Variants in CDH18 observed in about 807,000 individuals in gnomAD.
The protein encoded by CDH18 is cadherin-18.
A neutral mutation model predicts 67.9 loss-of-function variants in CDH18; 31 were observed. That is an observed-to-expected ratio of 0.46 (90% CI 0.34 to 0.62). The LOEUF is 0.62. Ranked by LOEUF, CDH18 falls within the 20% of genes least tolerant of loss-of-function variation. CDH18 has a pLI of 0.01. For synonymous variants in CDH18, 362 were observed against 347.2 expected (o/e 1.04, Z -0.48); for missense variants, 890 against 975.5 (o/e 0.91, Z 1.17).
At chr5:20,298,794 A>G (rs1353508153) in intron 1 of CDH18, among the ~76,000 whole-genome samples, 1 of 152,218 alleles carries the variant, frequency 6.6e-6, no homozygotes, top group Non-Finnish European at 1.5e-5. Flanking sequence ...ATACATTGAT[A>G]CATACATGAA....
At chr5:19,879,017 T>C (rs911433773) in intron 2 of CDH18, among the ~76,000 whole-genome samples, 4 of 151,906 alleles carry the variant, frequency 2.6e-5, no homozygotes, top group East Asian at 1.9e-4. Context: ...TATCTACCAT[T>C]ATATACTCTC....
Position 19,840,106 on chromosome 5 carries a change from A to AT in CDH18, c.-256-865dup, listed in dbSNP as rs1226047498. On this transcript the variant is annotated intron_variant, in intron 2 of 12. Coordinates refer to ENST00000382275, the MANE Select transcript of CDH18 (RefSeq NM_004934.5). ...ACCCGTCTCTAGTAAAAATAAAAAA[A>AT]TAAAAAAAAAAATGAGCCGGGCTTG... Among the ~76,000 whole-genome samples the AT allele has an allele frequency of 1.0e-4, 11 of 109,494 alleles. No individual in the cohort carries two copies. The East Asian group carries it at 1.3e-3, about 13-fold the overall frequency. The allele number at this position is 109,494 out of a possible 152,430, so 71.8% of individuals were successfully genotyped here.
intron 2 of CDH18, among the ~76,000 whole-genome samples, chr5:20,153,642 T>C (rs10052733): frequency 0.08 from 12,182 of 152,204 alleles, 1,632 homozygotes; most frequent in African/African-American, 0.28. Context: ...AAGACCAAGG[T>C]AGAAGCAGGG....
At chr5:20,139,361 CT>C (rs1750036703) in intron 2 of CDH18, among the ~76,000 whole-genome samples, 1 of 152,126 alleles carries the variant, frequency 6.6e-6, no homozygotes, top group Non-Finnish European at 1.5e-5. Context: ...ACCATAAAAA[CT>C]CTAGAAGAAA....
intron 3 of CDH18, among the ~76,000 whole-genome samples, chr5:19,769,389 G>T (rs965037299): frequency 1.3e-5 from 2 of 152,050 alleles, no homozygotes; most frequent in African/African-American, 4.8e-5. Context: ...GAGGGAGTTG[G>T]ATTATATATT....
At chr5:20,416,653 A>G (rs552074030) in intron 1 of CDH18, among the ~76,000 whole-genome samples, 1 of 152,220 alleles carries the variant, frequency 6.6e-6, no homozygotes, top group East Asian at 1.9e-4. Flanking sequence ...CAAAAGGCTG[A>G]CTCAGTGGAA....
At chr5:19,519,616 A>C (rs1007291935) in intron 10 of CDH18, among the ~76,000 whole-genome samples, 1 of 152,176 alleles carries the variant, frequency 6.6e-6, no homozygotes, top group Non-Finnish European at 1.5e-5. Context: ...TGAAAACAGA[A>C]TATGGCAAAT....
In CDH18 at chr5:19,750,765, C is replaced by A. The variant is rs999932469; in HGVS notation, c.229-3529G>T. Among the ~76,000 whole-genome samples, 546 of 138,110 alleles carry A rather than the reference C, an allele frequency of 4.0e-3. 7 individuals carry two copies. The highest frequency in any genetic ancestry group is 3.7e-3 in the Non-Finnish European group (235 of 63,666). 90.6% of individuals were successfully genotyped at this position (138,110 alleles called of 152,430 possible). A position where few individuals can be genotyped will look rare whatever the true frequency, so the allele number is the denominator to read the frequency against. The stretch of plus-strand genomic sequence containing the variant: ...TTTTAGTCATATACAGTGAAGCCCC[C>A]CCCCCCCCACTTTTTTTAAATCAGT... On this transcript the variant is annotated intron_variant, in intron 3 of 12. Transcript: ENST00000382275.
intron 2 of CDH18, among the ~76,000 whole-genome samples, chr5:20,108,371 C>T (rs180818640): frequency 1.3e-4 from 20 of 152,178 alleles, no homozygotes; most frequent in Admixed American, 8.5e-4. Flanking sequence ...AGATTACAGC[C>T]GTGAGCCACT....
intron 3 of CDH18, among the ~76,000 whole-genome samples, chr5:19,800,506 C>T (rs899333385): frequency 1.3e-5 from 2 of 151,788 alleles, no homozygotes; most frequent in African/African-American, 2.4e-5. Context: ...TTTCTGTATC[C>T]TCATCCAAAA....
At chr5:19,722,355 A>G (rs543150428) in intron 4 of CDH18, among the ~76,000 whole-genome samples, 1 of 152,006 alleles carries the variant, frequency 6.6e-6, no homozygotes, top group African/African-American at 2.4e-5. Flanking sequence ...CGCACAGCCA[A>G]CTGGTCTACT....
intron 2 of CDH18, among the ~76,000 whole-genome samples, chr5:19,880,549 T>C (rs1255325883): frequency 1.3e-5 from 2 of 152,148 alleles, no homozygotes; most frequent in South Asian, 2.1e-4. Flanking sequence ...TTTTGGTTGA[T>C]ACACATGTGT....
intron 11 of CDH18, among the ~76,000 whole-genome samples, chr5:19,499,607 ATTT>A (rs1228584032): frequency 1.3e-5 from 2 of 151,864 alleles, no homozygotes; most frequent in Middle Eastern, 3.5e-3. Flanking sequence ...TGTCTAACCA[ATTT>A]TTTTATCTTT....
chr5:19,699,598 GTC>G (rs913273884), intron 5 of CDH18, among the ~76,000 whole-genome samples: 1 of 149,446 alleles, frequency 6.7e-6, no homozygotes, highest in Non-Finnish European at 1.5e-5. Flanking sequence ...GAGAGATGAT[GTC>G]TCTCTTTCTC....
intron 1 of CDH18, among the ~76,000 whole-genome samples, chr5:20,415,563 G>A (rs1338442406): frequency 6.6e-6 from 1 of 151,786 alleles, no homozygotes; most frequent in Non-Finnish European, 1.5e-5. Flanking sequence ...CACGAGGTCA[G>A]GAGATTGAGA....
At chr5:19,868,097 C>T (rs146771759) in intron 2 of CDH18, among the ~76,000 whole-genome samples, 1 of 150,568 alleles carries the variant, frequency 6.6e-6, no homozygotes, top group East Asian at 1.9e-4. Flanking sequence ...TTCTTTTATA[C>T]ATTACCCAGT....
chr5:20,524,224 TAACA>T (rs1309324351), intron 1 of CDH18, among the ~76,000 whole-genome samples: 2 of 152,190 alleles, frequency 1.3e-5, no homozygotes, highest in African/African-American at 4.8e-5. Context: ...AAATCTTGTT[TAACA>T]AACAAACTTT....
intron 1 of CDH18, among the ~76,000 whole-genome samples, chr5:20,487,042 G>C (rs78395274): frequency 8.5e-4 from 130 of 152,186 alleles, no homozygotes; most frequent in African/African-American, 2.9e-3. Context: ...CCCTGACTGC[G>C]TTACAGTTGT....
rs1312438571 is a variant in CDH18 at position 19,824,013 on chromosome 5, A to G, written c.228+14746T>C. ...AACAAAATTAATTAATAACCTTAACATCACAACTAGGGGAAATAGAAATAC... is the reference window on the plus strand; with the variant it reads ...AACAAAATTAATTAATAACCTTAACGTCACAACTAGGGGAAATAGAAATAC... On this transcript the variant is annotated intron_variant, in intron 3 of 12. Transcript: ENST00000382275. Among the ~76,000 whole-genome samples the G allele has an allele frequency of 2.0e-5, 3 of 152,112 alleles. No individual in the cohort carries two copies. In the East Asian group the frequency reaches 5.8e-4, roughly 29 times the overall value.
Sources: gnomAD v4.1 joint callset for allele counts (sites outside exome capture counted in the v4.1 genomes callset) on GRCh38, gnomAD v4.1.1 for gene constraint, MANE v1.5 for transcripts, NCBI Gene and HGNC (gene_info 2026-07-23, HGNC 2026-07-21) for gene names.